PPP4R4: variants seen among roughly 807,000 people sequenced by gnomAD.
PPP4R4 encodes serine/threonine-protein phosphatase 4 regulatory subunit 4.
In PPP4R4, 70 loss-of-function variants were observed where a neutral mutation model predicts 121.8. The observed-to-expected ratio is 0.57, with a 90% CI of 0.47 to 0.70. PPP4R4 has a LOEUF of 0.70. Among genes scored for constraint, PPP4R4 ranks in the 30% least tolerant of loss-of-function variants. The probability of loss-of-function intolerance (pLI) is 0.00; values close to 1 mark genes in which losing one functional copy is unlikely to be tolerated. For missense variants in PPP4R4, 875 were observed against 1,033.6 expected (o/e 0.85, Z 2.10); for synonymous variants, 348 against 355.7 (o/e 0.98, Z 0.24).
At chr14:94,268,221 G>C (rs1194090627) in intron 23 of PPP4R4, among the ~76,000 whole-genome samples, 2 of 152,172 alleles carry the variant, frequency 1.3e-5, no homozygotes, top group Non-Finnish European at 2.9e-5. Context: ...GTTTGAATTA[G>C]CTTCGAGCTA....
chr14:94,263,398 G>T (rs1191256227), intron 19 of PPP4R4, among the ~76,000 whole-genome samples: 1 of 152,050 alleles, frequency 6.6e-6, no homozygotes, highest in Non-Finnish European at 1.5e-5. Flanking sequence ...CCATTCAGCT[G>T]CTGAGCCTAT....
At chr14:94,242,883 G>T (rs557648067) in intron 11 of PPP4R4, among the ~76,000 whole-genome samples, 1 of 152,260 alleles carries the variant, frequency 6.6e-6, no homozygotes, top group East Asian at 1.9e-4. Context: ...AAAATAAATT[G>T]AAACTTTTAT....
rs567914306 is a variant in PPP4R4, at chr14:94,203,672, A to C, written c.192-4792A>C. On this transcript the variant is annotated intron_variant, in intron 2 of 24. Transcript: ENST00000304338. ...AGTGGCTATACCGGCTTACATTCCT[A>C]GCAGCAATGAGTCATCCAGTTTTTT... is the stretch of plus-strand genomic sequence containing the variant. Among the ~76,000 whole-genome samples, 5 of 152,286 alleles carry C rather than the reference A, an allele frequency of 3.3e-5. No individual in the cohort carries two copies. In the South Asian group the frequency reaches 1.0e-3, roughly 32 times the overall value.
At chr14:94,208,003 G>C (rs1459143871) in intron 2 of PPP4R4, among the ~76,000 whole-genome samples, 3 of 151,844 alleles carry the variant, frequency 2.0e-5, no homozygotes, top group Admixed American at 1.3e-4. Flanking sequence ...TGATTTCACT[G>C]TACCAAGAGA....
At chr14:94,219,889 A>G (rs1188490839) in intron 3 of PPP4R4, among the ~76,000 whole-genome samples, 3 of 152,130 alleles carry the variant, frequency 2.0e-5, no homozygotes, top group Non-Finnish European at 4.4e-5. Flanking sequence ...TGAGCCCAAC[A>G]GTTTTAGTCT....
At chr14:94,196,038 T>A (rs1889849689) in intron 2 of PPP4R4, among the ~76,000 whole-genome samples, 1 of 152,022 alleles carries the variant, frequency 6.6e-6, no homozygotes, top group South Asian at 2.1e-4. Context: ...TGTTCCTAAG[T>A]AACTTGCTTA....
intron 2 of PPP4R4, among the ~76,000 whole-genome samples, chr14:94,176,374 G>A (rs116561324): frequency 0.022 from 3,344 of 152,248 alleles, 58 homozygotes; most frequent in Middle Eastern, 0.034. Context: ...GATGGTTGGA[G>A]TTGAACCTCA....
In PPP4R4 at chr14:94,246,446, A is replaced by G; in HGVS notation, c.1518A>G (p.Leu506=). The G allele has an allele frequency of 6.2e-7, 1 of 1,614,088 alleles. No individual in the cohort carries two copies. The highest frequency in any genetic ancestry group is 1.1e-5 in the South Asian group (1 of 91,074). ...ASLKWRTHEK[L]LQKYACLPHV... ...TAAAATGGAGAACTCATGAGAAGCTACTTCAGAAATATGCCTGCCTGCCAC... is the reference window on the plus strand; with the variant it reads ...TAAAATGGAGAACTCATGAGAAGCTGCTTCAGAAATATGCCTGCCTGCCAC... Residue 506 remains leucine (L), a synonymous_variant, in exon 14 of 25, where the codon CTA becomes CTG. Transcript: ENST00000304338.
rs769866537 is a variant in PPP4R4, at chr14:94,208,539, G to A, written c.267G>A (p.Thr89=). The change falls in exon 3 of 25, where the codon ACG becomes ACA. Residue 89 remains threonine, a synonymous_variant. Transcript: ENST00000304338. ...PFLMRQNPTE[T]LRRVLPKVRE... ...TGATGCGACAGAATCCCACTGAGAC[G>A]CTTCGGAGAGTGTTGCCAAAAGTCA... 6 of 1,609,892 alleles carry A rather than the reference G, an allele frequency of 3.7e-6. No individual in the cohort carries two copies. The highest frequency in any genetic ancestry group is 1.7e-5 in the Admixed American group (1 of 59,784).
chr14:94,181,130 C>T (rs901279906), intron 2 of PPP4R4, among the ~76,000 whole-genome samples: 6 of 152,100 alleles, frequency 3.9e-5, no homozygotes, highest in African/African-American at 1.2e-4. Context: ...CTTTTTATGA[C>T]GTGTGTCCCC....
intron 2 of PPP4R4, among the ~76,000 whole-genome samples, chr14:94,189,042 A>T (rs569897035): frequency 8.5e-5 from 13 of 152,294 alleles, no homozygotes; most frequent in Admixed American, 6.5e-5. Context: ...CCATAAGAGA[A>T]ATCAGGGAGA....
At chr14:94,226,198 A>G (rs1459248292) in intron 3 of PPP4R4, among the ~76,000 whole-genome samples, 2 of 152,246 alleles carry the variant, frequency 1.3e-5, no homozygotes, top group East Asian at 3.9e-4. Flanking sequence ...TGGTCTTTAA[A>G]TTGATTTGTT....
At chr14:94,224,379 C>T (rs1595494636) in intron 3 of PPP4R4, among the ~76,000 whole-genome samples, 1 of 152,200 alleles carries the variant, frequency 6.6e-6, no homozygotes, top group African/African-American at 2.4e-5. Context: ...GGGTGAGGAT[C>T]ACTTGGAATC....
intron 2 of PPP4R4, among the ~76,000 whole-genome samples, chr14:94,204,275 T>C (rs1171373359): frequency 6.6e-6 from 1 of 152,108 alleles, no homozygotes; most frequent in Admixed American, 6.6e-5. Context: ...TCAGTTTTTT[T>C]TTGTTTTTAA....
chr14:94,265,668 A>G (rs1566702481), intron 21 of PPP4R4, 126 bp from the exon 22 acceptor site: 1 of 842,534 alleles, frequency 1.2e-6, no homozygotes, highest in Non-Finnish European at 1.9e-6. Context: ...GTGAGCTCAA[A>G]TTAAGGAAAA....
chr14:94,240,047 A>T (rs1379866078), intron 8 of PPP4R4, among the ~76,000 whole-genome samples: 1 of 152,172 alleles, frequency 6.6e-6, no homozygotes, highest in East Asian at 1.9e-4. Flanking sequence ...TCATTTCTGA[A>T]ATTTAAGAAA....
chr14:94,261,221 G>A (rs1039978070), intron 19 of PPP4R4, among the ~76,000 whole-genome samples: 17 of 152,054 alleles, frequency 1.1e-4, no homozygotes, highest in African/African-American at 3.9e-4. Flanking sequence ...GGTAGGATAC[G>A]TTTTCCATCT....
At chr14:94,192,724 T>G (rs925177180) in intron 2 of PPP4R4, among the ~76,000 whole-genome samples, 11 of 152,162 alleles carry the variant, frequency 7.2e-5, no homozygotes, top group African/African-American at 2.7e-4. Context: ...ACTGACTGAT[T>G]ATGTCACGTC....
At chr14:94,242,206 T>G in intron 10 of PPP4R4, 83 bp from the exon 11 acceptor site, 1 of 1,459,518 alleles carries the variant, frequency 6.9e-7, no homozygotes, top group South Asian at 1.3e-5. Context: ...TGATTTCAAT[T>G]TAAGTGAAAC....
Sources: gnomAD v4.1 joint callset for allele counts (sites outside exome capture counted in the v4.1 genomes callset) on GRCh38, gnomAD v4.1.1 for gene constraint, MANE v1.5 for transcripts, NCBI Gene and HGNC (gene_info 2026-07-23, HGNC 2026-07-21) for gene names.